The following PARP8 variants were observed in gnomAD, a reference collection of about 807,000 sequenced individuals.
PARP8 encodes poly(ADP-ribose) polymerase family member 8, also known as protein mono-ADP-ribosyltransferase PARP8.
A neutral mutation model predicts 124.1 loss-of-function variants in PARP8; 51 were observed. The observed-to-expected ratio is 0.41, with a 90% CI of 0.33 to 0.52. The LOEUF (loss-of-function observed/expected upper bound fraction) is 0.52, where lower values mean the gene tolerates loss of function less well. Ranked by LOEUF, PARP8 falls within the 20% of genes least tolerant of loss-of-function variation. The pLI, the probability that PARP8 is intolerant of heterozygous loss-of-function variation, is 0.21. For synonymous variants in PARP8, 391 were observed against 361.5 expected (o/e 1.08, Z -0.93); for missense variants, 860 against 1,018.9 (o/e 0.84, Z 2.12).
chr5:50,708,314 A>G (rs1754373732), intron 2 of PARP8, among the ~76,000 whole-genome samples: 1 of 152,056 alleles, frequency 6.6e-6, no homozygotes, highest in South Asian at 2.1e-4. Flanking sequence ...GTCATGTGTC[A>G]TATTCTCTTT....
At chr5:50,762,778 A>G (rs1760687641) in intron 6 of PARP8, among the ~76,000 whole-genome samples, 1 of 152,210 alleles carries the variant, frequency 6.6e-6, no homozygotes, top group Non-Finnish European at 1.5e-5. Flanking sequence ...CCAGTATAAC[A>G]TTTTAACATT....
chr5:50,773,802 T>G (rs1176649370), intron 7 of PARP8, among the ~76,000 whole-genome samples: 1 of 152,102 alleles, frequency 6.6e-6, no homozygotes, highest in African/African-American at 2.4e-5. Flanking sequence ...ATCTTTTCAT[T>G]TTTTGTGTCC....
rs144033685 is a variant in PARP8 at position 50,742,637 on chromosome 5, A to G, written c.147-7514A>G. On this transcript the variant is annotated intron_variant, in intron 2 of 25. Transcript: ENST00000281631. ...AAAGCTGTGAAAATTTGCAAAAACA[A>G]CTAGGAAGAAAAAGTAAGGGGGTTT... Among the ~76,000 whole-genome samples the G allele has an allele frequency of 2.0e-5, 3 of 152,344 alleles. No homozygotes were observed. In the East Asian group the frequency reaches 5.8e-4, roughly 29 times the overall value.
At chr5:50,695,088 A>G (rs1439456003) in intron 2 of PARP8, among the ~76,000 whole-genome samples, 1 of 152,082 alleles carries the variant, frequency 6.6e-6, no homozygotes. Flanking sequence ...TCAAATGTTC[A>G]TCTCCTTTGG....
chr5:50,687,306 C>T (rs1040886488), intron 2 of PARP8, among the ~76,000 whole-genome samples: 3 of 152,260 alleles, frequency 2.0e-5, no homozygotes, highest in African/African-American at 7.2e-5. Context: ...CGCTCCAGTC[C>T]CCAACAAGTT....
In PARP8 at chr5:50,844,584, G is replaced by T. The variant is rs1278084651; in HGVS notation, c.*2516G>T. Reference sequence around the variant, plus strand: ...TTGATGATTCCAAACATTTGATATTGTATTGTGTTTTTATAATTATTTGAA... The same window carrying T: ...TTGATGATTCCAAACATTTGATATTTTATTGTGTTTTTATAATTATTTGAA... On this transcript the variant is annotated 3_prime_UTR_variant, in exon 26 of 26. Coordinates refer to ENST00000281631, the MANE Select transcript of PARP8 (RefSeq NM_024615.4). The T allele has an allele frequency of 1.3e-5, 2 of 151,614 alleles. No homozygotes were observed. The highest frequency in any genetic ancestry group is 3.0e-5 in the Non-Finnish European group (2 of 67,730). 9.4% of individuals were successfully genotyped at this position (151,614 alleles called of 1,614,324 possible). A position where few individuals can be genotyped will look rare whatever the true frequency, so the allele number is the denominator to read the frequency against.
intron 2 of PARP8, among the ~76,000 whole-genome samples, chr5:50,712,422 G>T (rs1196013878): frequency 6.6e-6 from 1 of 152,068 alleles, no homozygotes; most frequent in Admixed American, 6.6e-5. Context: ...AAACTAACAG[G>T]AGCTTTTTAG....
intron 3 of PARP8, among the ~76,000 whole-genome samples, chr5:50,750,558 A>C (rs933486387): frequency 2.0e-5 from 3 of 152,082 alleles, no homozygotes; most frequent in African/African-American, 7.2e-5. Context: ...TCAGTTTTCT[A>C]AGTGTGTGTG....
intron 15 of PARP8, among the ~76,000 whole-genome samples, chr5:50,816,793 G>T (rs867670456): frequency 6.6e-6 from 1 of 152,012 alleles, no homozygotes; most frequent in African/African-American, 2.4e-5. Context: ...TACTTAGAGG[G>T]TTACTAAAAT....
At chr5:50,784,990 C>G (rs2149625387) in intron 9 of PARP8, among the ~76,000 whole-genome samples, 1 of 151,808 alleles carries the variant, frequency 6.6e-6, no homozygotes, top group South Asian at 2.1e-4. Flanking sequence ...ACTCCAAACC[C>G]CTGTTTCTCT....
At chr5:50,757,086 C>T (rs114669824) in intron 3 of PARP8, 9,539 of 448,508 alleles carry the variant, frequency 0.021, 160 homozygotes, top group Non-Finnish European at 0.033. Flanking sequence ...TTGATGAACA[C>T]TTAGAACTTA....
At chr5:50,717,379 T>G (rs191584986) in intron 2 of PARP8, among the ~76,000 whole-genome samples, 1 of 151,932 alleles carries the variant, frequency 6.6e-6, no homozygotes, top group Non-Finnish European at 1.5e-5. Flanking sequence ...GAGAATAATG[T>G]TTTTGGCCTG....
chr5:50,728,582 A>C (rs62368282), intron 2 of PARP8, among the ~76,000 whole-genome samples: 1 of 151,848 alleles, frequency 6.6e-6, no homozygotes, highest in Non-Finnish European at 1.5e-5. Context: ...AACTACACAG[A>C]ATTTTTTTTT....
intron 2 of PARP8, among the ~76,000 whole-genome samples, chr5:50,740,770 G>A (rs1757961240): frequency 6.6e-6 from 1 of 151,020 alleles, no homozygotes; most frequent in Admixed American, 6.6e-5. Context: ...CCGTGATTGT[G>A]CCACTGCTCT....
chr5:50,798,173 T>G (rs189425837), intron 14 of PARP8, among the ~76,000 whole-genome samples: 7 of 152,278 alleles, frequency 4.6e-5, no homozygotes, highest in African/African-American at 1.7e-4. Flanking sequence ...TAATATACAT[T>G]TTATGCATAT....
chr5:50,829,312 A>G (rs1746689514), intron 21 of PARP8, among the ~76,000 whole-genome samples: 1 of 152,092 alleles, frequency 6.6e-6, no homozygotes, highest in South Asian at 2.1e-4. Context: ...GCTAGATCTC[A>G]TATTATGATG....
Position 50,809,590 on chromosome 5 carries a change from C to A in PARP8, c.1576-5842C>A, listed in dbSNP as rs1427101731. Among the ~76,000 whole-genome samples, 6 of 151,950 alleles carry A rather than the reference C, an allele frequency of 3.9e-5. No individual in the cohort carries two copies. In the East Asian group the frequency reaches 1.2e-3, roughly 29 times the overall value. On this transcript the variant is annotated intron_variant, in intron 14 of 25. Transcript: ENST00000281631. ...CCATACCTCAAGGATATTTTTTAAA[C>A]CTTATCTCACTTGGTATTTTTATCA...
At chr5:50,667,428 CGGAGCGGGG>C (rs1749432203) in intron 1 of PARP8, 1 of 701,600 alleles carries the variant, frequency 1.4e-6, no homozygotes, top group Non-Finnish European at 2.6e-6. Context: ...CCCGCGTGGC[CGGAGCGGGG>C]GTCTAGGCGA....
intron 25 of PARP8, among the ~76,000 whole-genome samples, chr5:50,836,995 G>A (rs1228922140): frequency 2.6e-5 from 4 of 151,716 alleles, no homozygotes; most frequent in Non-Finnish European, 5.9e-5. Flanking sequence ...TAAATAGGCA[G>A]TACCATTTTT....
Sources: gnomAD v4.1 joint callset for allele counts (sites outside exome capture counted in the v4.1 genomes callset) on GRCh38, gnomAD v4.1.1 for gene constraint, MANE v1.5 for transcripts, NCBI Gene and HGNC (gene_info 2026-07-23, HGNC 2026-07-21) for gene names.